OR1J2: variants seen among roughly 807,000 people sequenced by gnomAD.
The protein encoded by OR1J2 is olfactory receptor 1J2.
For synonymous variants in OR1J2, 142 were observed against 99.7 expected, an observed-to-expected ratio of 1.42 and a Z score of -2.52; for missense variants, 304 against 246.1, an observed-to-expected ratio of 1.24 and a Z score of -1.57.
At chr9:122,473,294 T>C in the OR1J2 span, among the ~76,000 whole-genome samples, 4 of 152,190 alleles carry the variant, frequency 2.6e-5, no homozygotes, top group Non-Finnish European at 5.9e-5. Flanking sequence ...AGGTTAAGCT[T>C]TCTCATTCAC....
At chr9:122,540,594 T>C in the OR1J2 span, among the ~76,000 whole-genome samples, 1 of 152,142 alleles carries the variant, frequency 6.6e-6, no homozygotes, top group East Asian at 1.9e-4. Context: ...GACTTGGCGA[T>C]GCGGGCTCTT....
the OR1J2 span, among the ~76,000 whole-genome samples, chr9:122,527,993 T>C: frequency 6.6e-6 from 1 of 152,196 alleles, no homozygotes; most frequent in Non-Finnish European, 1.5e-5. Context: ...TTAAGTAAAT[T>C]GTACAAGGAC....
At chr9:122,489,230 TATGAG>T in the OR1J2 span, among the ~76,000 whole-genome samples, 2 of 151,896 alleles carry the variant, frequency 1.3e-5, no homozygotes, top group African/African-American at 4.8e-5. Context: ...GTGGGAAACT[TATGAG>T]GGGAGAAGAA....
At chr9:122,535,556 G>A in the OR1J2 span, among the ~76,000 whole-genome samples, 2 of 152,130 alleles carry the variant, frequency 1.3e-5, no homozygotes, top group African/African-American at 4.8e-5. Context: ...AGAGGTTAAG[G>A]GATAGTGAGT....
the OR1J2 span, among the ~76,000 whole-genome samples, chr9:122,454,729 C>T: frequency 4.6e-5 from 7 of 152,078 alleles, no homozygotes; most frequent in South Asian, 2.1e-4. Flanking sequence ...GAAAGGCAAA[C>T]GAAGATGGGA....
the OR1J2 span, among the ~76,000 whole-genome samples, chr9:122,551,292 T>G: frequency 6.6e-6 from 1 of 151,958 alleles, no homozygotes; most frequent in East Asian, 1.9e-4. Context: ...GGGATTCCAC[T>G]CTCTCCACTT....
the OR1J2 span, among the ~76,000 whole-genome samples, chr9:122,491,419 G>A: frequency 1.3e-5 from 2 of 151,700 alleles, no homozygotes; most frequent in Non-Finnish European, 2.9e-5. Context: ...GAAGAAGGAG[G>A]GGAGAGAAAG....
At chr9:122,561,541 C>G in the OR1J2 span, among the ~76,000 whole-genome samples, 41,411 of 151,896 alleles carry the variant, frequency 0.27, 5,818 homozygotes, top group Middle Eastern at 0.34. Context: ...GTTTTTTGTT[C>G]ATGCTGTTGT....
At chr9:122,520,291 GA>G in the OR1J2 span, among the ~76,000 whole-genome samples, 1 of 152,170 alleles carries the variant, frequency 6.6e-6, no homozygotes, top group African/African-American at 2.4e-5. Context: ...ATTAGATTCA[GA>G]AATTACATAG....
At chr9:122,553,200 G>T in the OR1J2 span, 1 of 1,612,348 alleles carries the variant, frequency 6.2e-7, no homozygotes, top group Non-Finnish European at 8.5e-7. Flanking sequence ...CAGATCACAC[G>T]AACTACAAGG....
chr9:122,470,997 A>G, the OR1J2 span, among the ~76,000 whole-genome samples: 1 of 152,218 alleles, frequency 6.6e-6, no homozygotes, highest in Non-Finnish European at 1.5e-5. Flanking sequence ...CATAGGAGGA[A>G]GGGACTTGCC....
chr9:122,552,902 T>C, the OR1J2 span, among the ~76,000 whole-genome samples: 1 of 151,834 alleles, frequency 6.6e-6, no homozygotes, highest in Non-Finnish European at 1.5e-5. Context: ...AATTCTCACT[T>C]CCTCTAAATA....
At chr9:122,545,518 T>G in the OR1J2 span, among the ~76,000 whole-genome samples, 13 of 152,174 alleles carry the variant, frequency 8.5e-5, no homozygotes, top group African/African-American at 2.4e-4. Context: ...GCAACCACAT[T>G]TATTATTGTA....
chr9:122,491,796 G>C, the OR1J2 span, among the ~76,000 whole-genome samples: 1 of 152,062 alleles, frequency 6.6e-6, no homozygotes, highest in Admixed American at 6.6e-5. Flanking sequence ...GGGAAGGAAG[G>C]ACCTTGTGGT....
At chr9:122,529,152 G>A in the OR1J2 span, among the ~76,000 whole-genome samples, 88,275 of 152,040 alleles carry the variant, frequency 0.58, 27,557 homozygotes, top group East Asian at 0.87. Context: ...TGAGGGATCT[G>A]AGGCTACAGT....
At chr9:122,569,540 T>TTTTTTTTGCAATTAAAGTTTTTGAGTA in the OR1J2 span, among the ~76,000 whole-genome samples, 8 of 152,106 alleles carry the variant, frequency 5.3e-5, no homozygotes, top group South Asian at 2.1e-4. Flanking sequence ...ACCTTGTGAA[T>TTTTTTTTGCAATTAAAGTTTTTGAGTA]AGGCATATTA....
At chr9:122,515,898 C>T (rs1030785115), downstream of OR1J2, among the ~76,000 whole-genome samples, 1 of 152,118 alleles carries the variant, frequency 6.6e-6, no homozygotes, top group Non-Finnish European at 1.5e-5. Context: ...ACATCTACTA[C>T]CCCAGTAATT....
rs142519029 is a variant in OR1J2 at position 122,510,876 on chromosome 9, T to C, written c.75T>C (p.Ala25=). Residue 25 remains alanine, a synonymous_variant, in exon 1 of 1, where the codon GCT becomes GCC. Coordinates refer to ENST00000335302, the MANE Select transcript of OR1J2 (RefSeq NM_054107.1). ...TCCCCATCCGGCCAGAGCAGCAGGC[T>C]GTGTTCTTCACCCTGTTCCTGGGCA... ...LGLPIRPEQQ[A]VFFTLFLGMY... 1.8e-5 allele frequency: 29 copies of C among 1,611,428 alleles called. No individual in the cohort carries two copies. The African/African-American group carries it at 2.8e-4, about 16-fold the overall frequency.
the OR1J2 span, among the ~76,000 whole-genome samples, chr9:122,574,872 T>C: frequency 2.0e-5 from 3 of 152,262 alleles, no homozygotes; most frequent in Non-Finnish European, 1.5e-5. Flanking sequence ...ATTTTCCTTC[T>C]ATTCCTAGTT....
Sources: gnomAD v4.1 joint callset for allele counts (sites outside exome capture counted in the v4.1 genomes callset) on GRCh38, gnomAD v4.1.1 for gene constraint, MANE v1.5 for transcripts, NCBI Gene and HGNC (gene_info 2026-07-23, HGNC 2026-07-21) for gene names.